The following ATXN1 variants were observed in gnomAD, a reference collection of about 807,000 sequenced individuals.
The protein encoded by ATXN1 is ataxin 1, also known as ataxin-1.
A neutral mutation model predicts 56.4 loss-of-function variants in ATXN1; 8 were observed. That is an observed-to-expected ratio of 0.14 (90% confidence interval 0.08 to 0.26). The LOEUF (loss-of-function observed/expected upper bound fraction) is 0.26, where lower values mean the gene tolerates loss of function less well. ATXN1 is among the 10% of genes least tolerant of loss of function. ATXN1 has a pLI of 1.00. For synonymous variants in ATXN1, 514 were observed against 494.6 expected, an observed-to-expected ratio of 1.04 and a Z score of -0.52; for missense variants, 987 against 1,106.5, an observed-to-expected ratio of 0.89 and a Z score of 1.53.
chr6:16,725,893 T>C (rs1295831593), intron 2 of ATXN1, among the ~76,000 whole-genome samples: 2 of 152,246 alleles, frequency 1.3e-5, no homozygotes, highest in East Asian at 1.9e-4. Context: ...CAAGTGCATA[T>C]GGGCAGGAAC....
At chr6:16,439,381 GAATAAGGGTTGGGGTGGGGT>G (rs1759465413) in intron 6 of ATXN1, among the ~76,000 whole-genome samples, 6 of 12,772 alleles carry the variant, frequency 4.7e-4, no homozygotes, top group African/African-American at 1.3e-3. Context: ...GGCGGGGCGG[GAATAAGGGTTGGGGTGGGGT>G]GGGGATGCTG....
At chr6:16,331,599 G>A (rs1414904637) in intron 6 of ATXN1, among the ~76,000 whole-genome samples, 1 of 152,192 alleles carries the variant, frequency 6.6e-6, no homozygotes, top group African/African-American at 2.4e-5. Flanking sequence ...TGCAAAATGA[G>A]AACATTTGCA....
chr6:16,587,926 T>G (rs1417885265), intron 3 of ATXN1, among the ~76,000 whole-genome samples: 1 of 150,028 alleles, frequency 6.7e-6, no homozygotes, highest in African/African-American at 2.5e-5. Flanking sequence ...AGCGGAACTC[T>G]GTCTAAAAAA....
At chr6:16,340,925 T>C (rs1761230861) in intron 6 of ATXN1, among the ~76,000 whole-genome samples, 1 of 152,206 alleles carries the variant, frequency 6.6e-6, no homozygotes, top group South Asian at 2.1e-4. Flanking sequence ...AAAGCCTCCC[T>C]GTGGAAATCT....
At chr6:16,354,301 A>T (rs1178062355) in intron 6 of ATXN1, among the ~76,000 whole-genome samples, 3 of 151,692 alleles carry the variant, frequency 2.0e-5, no homozygotes, top group African/African-American at 7.3e-5. Flanking sequence ...TCTGTCGCCC[A>T]GGCTGGAGTG....
chr6:16,492,587 T>C (rs1464200608), intron 5 of ATXN1, among the ~76,000 whole-genome samples: 3 of 151,154 alleles, frequency 2.0e-5, no homozygotes, highest in African/African-American at 7.3e-5. Context: ...TCACTTTGAG[T>C]TTAATTTGTC....
rs554724524 is a variant in ATXN1, at chr6:16,371,486, A to T, written c.-160-43016T>A. On this transcript the variant is annotated intron_variant, in intron 6 of 7. Coordinates refer to ENST00000436367, the MANE Select transcript of ATXN1 (RefSeq NM_001128164.2). ...GTCAGATAAGAAGAAATGTGATAGCAAAAGATATGCAAGATGTTAATCTGC... is the reference window on the plus strand; with the variant it reads ...GTCAGATAAGAAGAAATGTGATAGCTAAAGATATGCAAGATGTTAATCTGC... 5.3e-5 allele frequency among the ~76,000 whole-genome samples: 8 copies of T among 152,280 alleles called. No individual in the cohort carries two copies. The East Asian group carries it at 1.5e-3, about 29-fold the overall frequency.
chr6:16,624,818 A>G (rs1763380451), intron 3 of ATXN1, among the ~76,000 whole-genome samples: 1 of 152,228 alleles, frequency 6.6e-6, no homozygotes, highest in South Asian at 2.1e-4. Context: ...CTACTACCAT[A>G]TGCCCGAGGG....
intron 3 of ATXN1, among the ~76,000 whole-genome samples, chr6:16,606,671 G>A (rs2113785983): frequency 6.6e-6 from 1 of 151,608 alleles, no homozygotes; most frequent in Non-Finnish European, 1.5e-5. Flanking sequence ...TGGGACTACA[G>A]GCGCCTGCCA....
At chr6:16,757,493 A>C (rs910446163) in intron 1 of ATXN1, among the ~76,000 whole-genome samples, 2 of 152,226 alleles carry the variant, frequency 1.3e-5, no homozygotes, top group African/African-American at 4.8e-5. Context: ...TAGAAGAAAT[A>C]ATAGCTCATT....
Position 16,328,159 on chromosome 6 carries a change from C to T in ATXN1, c.152G>A (p.Gly51Asp). The change falls in exon 7 of 8, where the codon GGT becomes GAT. Residue 51 changes from glycine to aspartate, a missense_variant. Transcript: ENST00000436367. The surrounding 1 kb of genome is among the most constrained non-coding windows in gnomAD (Gnocchi z 6.2). ...EGTAWLPGNP[G>D]GRGHGGGRHG... is the part of the protein sequence containing the mutation. Reference sequence around the variant, plus strand: ...CCTCCCGCCCCCGTGGCCCCGGCCACCAGGGTTGCCCGGGAGCCATGCTGT... The same window carrying T: ...CCTCCCGCCCCCGTGGCCCCGGCCATCAGGGTTGCCCGGGAGCCATGCTGT... 3 of 1,587,798 alleles carry T rather than the reference C, an allele frequency of 1.9e-6. No homozygotes were observed. The highest frequency in any genetic ancestry group is 2.6e-6 in the Non-Finnish European group (3 of 1,163,554).
chr6:16,709,093 G>T (rs1242507186), intron 2 of ATXN1, among the ~76,000 whole-genome samples: 1 of 151,082 alleles, frequency 6.6e-6, no homozygotes, highest in African/African-American at 2.4e-5. Flanking sequence ...TCCAAAGTAG[G>T]GAAAAAGAAG....
chr6:16,440,891 T>C (rs1759504764), intron 6 of ATXN1, among the ~76,000 whole-genome samples: 1 of 152,252 alleles, frequency 6.6e-6, no homozygotes, highest in African/African-American at 2.4e-5. Flanking sequence ...GGAATGGGTG[T>C]GGCCGAACCA....
intron 6 of ATXN1, among the ~76,000 whole-genome samples, chr6:16,429,425 G>GTTTTTT (rs3072201): frequency 9.4e-6 from 1 of 105,968 alleles, no homozygotes; most frequent in Non-Finnish European, 1.8e-5. Flanking sequence ...TTTTTTGTTC[G>GTTTTTT]TTTTTTTTTT....
intron 6 of ATXN1, among the ~76,000 whole-genome samples, chr6:16,330,104 T>C (rs1385040375): frequency 6.6e-6 from 1 of 152,116 alleles, no homozygotes; most frequent in Non-Finnish European, 1.5e-5. Context: ...TTTGGAGAGA[T>C]GGGGTCTTGC....
At chr6:16,589,872 A>G (rs572836146) in intron 3 of ATXN1, among the ~76,000 whole-genome samples, 1 of 152,360 alleles carries the variant, frequency 6.6e-6, no homozygotes, top group South Asian at 2.1e-4. Context: ...AATTAAGGAT[A>G]AAGAAGAGTC....
At chr6:16,407,488 T>G (rs1479835316) in intron 6 of ATXN1, among the ~76,000 whole-genome samples, 1 of 152,212 alleles carries the variant, frequency 6.6e-6, no homozygotes, top group African/African-American at 2.4e-5. Context: ...TCCTCAAAAG[T>G]ATCTGTATCA....
chr6:16,732,397 C>T (rs1335730320), intron 2 of ATXN1, among the ~76,000 whole-genome samples: 2 of 152,070 alleles, frequency 1.3e-5, no homozygotes, highest in Non-Finnish European at 2.9e-5. Context: ...ATGGTGAAAC[C>T]CCGTCTCTAC....
intron 3 of ATXN1, among the ~76,000 whole-genome samples, chr6:16,611,849 ATTTTTTTTTTTTTT>A (rs369870821): frequency 4.0e-5 from 3 of 75,178 alleles, no homozygotes; most frequent in South Asian, 1.3e-3. Flanking sequence ...AGCAGATGAA[ATTTTTTTTTTTTTT>A]TTTTTTTTTT....
Sources: allele counts gnomAD v4.1 joint callset (sites outside exome capture counted in the v4.1 genomes callset), GRCh38; gene constraint gnomAD v4.1.1; non-coding constraint Gnocchi (gnomAD v3.1); transcripts MANE v1.5; gene names NCBI Gene and HGNC (gene_info 2026-07-23, HGNC 2026-07-21).